The following GLIS1 variants were observed in gnomAD, a reference collection of about 807,000 sequenced individuals.
GLIS1 encodes the protein zinc finger protein GLIS1.
Under a neutral mutation model 63.8 loss-of-function variants are expected in GLIS1, and 24 were observed. The ratio of observed to expected loss-of-function variants is 0.38; its 90% CI spans 0.27 to 0.53. The LOEUF is 0.53. GLIS1 is among the 20% of genes least tolerant of loss of function. The pLI is 0.85. For synonymous variants in GLIS1, 450 were observed against 482.5 expected, an observed-to-expected ratio of 0.93 and a Z score of 0.88; for missense variants, 1,036 against 1,074.1, an observed-to-expected ratio of 0.96 and a Z score of 0.50.
chr1:53,510,964 C>T (rs974012679), intron 8 of GLIS1, among the ~76,000 whole-genome samples: 2 of 152,180 alleles, frequency 1.3e-5, no homozygotes, highest in African/African-American at 4.8e-5. Context: ...GAGAGCAGCA[C>T]AGGTGCCCTG....
intron 2 of GLIS1, among the ~76,000 whole-genome samples, chr1:53,626,779 C>T (rs755657595): frequency 2.0e-5 from 3 of 152,210 alleles, no homozygotes; most frequent in Non-Finnish European, 2.9e-5. Context: ...GAGGTGCAGA[C>T]CCCAGGGTCC....
rs77094226 is a variant in GLIS1 at position 53,693,581 on chromosome 1, G to T, written c.259+44225C>A. 2.4e-3 allele frequency among the ~76,000 whole-genome samples: 359 copies of T among 152,306 alleles called. 1 individual carries two copies. The highest frequency in any genetic ancestry group is 8.4e-3 in the African/African-American group (351 of 41,582). On this transcript the variant is annotated intron_variant, in intron 2 of 10. Coordinates refer to ENST00000628545, the MANE Select transcript of GLIS1 (RefSeq NM_001367484.1). ...GCCCAGCCTCTCACCCCCGCCCACA[G>T]ATCCAAATTTCCATTCCCTCAGCAG...
At position 53,699,317 on chromosome 1, in the gene GLIS1, G is replaced by A. The variant is rs916332226; in HGVS notation, c.259+38489C>T. 4.6e-5 allele frequency among the ~76,000 whole-genome samples: 7 copies of A among 152,076 alleles called. No individual in the cohort carries two copies. The East Asian group carries it at 1.3e-3, about 29-fold the overall frequency. On this transcript the variant is annotated intron_variant, in intron 2 of 10. Coordinates refer to ENST00000628545, the MANE Select transcript of GLIS1 (RefSeq NM_001367484.1). ...GAACTCAGATGATCCACCCACCTCG[G>A]CCTCCCAAAGTGCTGAGATTACAGG...
At chr1:53,572,327 T>A (rs574002852) in intron 4 of GLIS1, among the ~76,000 whole-genome samples, 5 of 152,220 alleles carry the variant, frequency 3.3e-5, no homozygotes, top group Non-Finnish European at 5.9e-5. Flanking sequence ...GCTCATCCTA[T>A]TGCAGCACAG....
chr1:53,628,245 T>C (rs1012043459), intron 2 of GLIS1, among the ~76,000 whole-genome samples: 1 of 152,218 alleles, frequency 6.6e-6, no homozygotes, highest in Non-Finnish European at 1.5e-5. Flanking sequence ...ATCTCAATAG[T>C]GTGCCCCAGA....
intron 2 of GLIS1, among the ~76,000 whole-genome samples, chr1:53,609,463 G>C (rs924567206): frequency 6.6e-6 from 1 of 151,636 alleles, no homozygotes; most frequent in African/African-American, 2.4e-5. Flanking sequence ...TAGAGATGGG[G>C]TTTTACCATA....
At position 53,544,288 on chromosome 1, in the gene GLIS1, T is replaced by A. The variant is rs914193794; in HGVS notation, c.1321-14336A>T. On this transcript the variant is annotated intron_variant, in intron 4 of 10. Coordinates refer to ENST00000628545, the MANE Select transcript of GLIS1 (RefSeq NM_001367484.1). The stretch of plus-strand genomic sequence containing the variant: ...AGGAGCCCGGGGTTGCCAATAGGGC[T>A]GAGGACTAAGAGAGGAGCCCGCAAC... Among the ~76,000 whole-genome samples, 3 of 152,134 alleles carry A rather than the reference T, an allele frequency of 2.0e-5. No individual in the cohort carries two copies. In the South Asian group the frequency reaches 6.2e-4, roughly 32 times the overall value.
chr1:53,693,524 C>G (rs965277221), intron 2 of GLIS1, among the ~76,000 whole-genome samples: 10 of 152,196 alleles, frequency 6.6e-5, no homozygotes, highest in Admixed American at 5.2e-4. Context: ...CCATCCTGGT[C>G]CCACAGCACC....
At chr1:53,728,508 G>T (rs1350804301) in intron 2 of GLIS1, among the ~76,000 whole-genome samples, 1 of 152,000 alleles carries the variant, frequency 6.6e-6, no homozygotes, top group Non-Finnish European at 1.5e-5. Context: ...ACTTGCCAAG[G>T]TCCCCAAGTT....
Position 53,514,702 on chromosome 1 carries a change from C to G in GLIS1, c.1806G>C (p.Arg602Ser). 6.2e-7 allele frequency: 1 copy of G among 1,613,676 alleles called. No individual in the cohort carries two copies. The highest frequency in any genetic ancestry group is 8.5e-7 in the Non-Finnish European group (1 of 1,179,876). The change falls in exon 8 of 11, where the codon AGG becomes AGC. Residue 602 changes from arginine (R) to serine (S), a missense_variant. By Grantham distance (110) the Arg-to-Ser change is moderately radical (BLOSUM62 -1). Around this residue, in one of 3 missense-constraint regions of GLIS1, gnomAD observed 400 missense variants for 400.9 expected, o/e 1.00. Transcript: ENST00000628545. ...LLPPAHDVPSRHHPLDATTSS... is the reference protein window; with the variant it reads ...LLPPAHDVPSSHHPLDATTSS... ...TGGTGGTGGCATCCAGCGGGTGGTG[C>G]CTGGAAGGTACGTCGTGCGCTGGGG...
intron 2 of GLIS1, among the ~76,000 whole-genome samples, chr1:53,689,101 C>T (rs1646373728): frequency 6.6e-6 from 1 of 152,258 alleles, no homozygotes; most frequent in Non-Finnish European, 1.5e-5. Context: ...CCTTACACTC[C>T]ACCCTCACAG....
chr1:53,603,346 T>TA (rs1261894150), intron 2 of GLIS1, among the ~76,000 whole-genome samples: 1 of 152,184 alleles, frequency 6.6e-6, no homozygotes, highest in Non-Finnish European at 1.5e-5. Context: ...CCCAAGGTCA[T>TA]ACAGTAATTG....
chr1:53,519,948 T>C (rs150658477), intron 7 of GLIS1, among the ~76,000 whole-genome samples: 112 of 152,354 alleles, frequency 7.4e-4, no homozygotes, highest in African/African-American at 2.5e-3. Context: ...AGAGCCTCTC[T>C]TGCTGATGCT....
intron 4 of GLIS1, among the ~76,000 whole-genome samples, chr1:53,585,625 C>T (rs191040394): frequency 2.6e-5 from 4 of 152,136 alleles, no homozygotes; most frequent in Admixed American, 2.6e-4. Context: ...TCCAGCAAAG[C>T]TGCAGGCTGA....
At chr1:53,509,472 C>G (rs1644275066) in intron 9 of GLIS1, among the ~76,000 whole-genome samples, 185 bp from the exon 10 acceptor site, 1 of 152,074 alleles carries the variant, frequency 6.6e-6, no homozygotes, top group African/African-American at 2.4e-5. Context: ...CAGCTCCGCC[C>G]TGCAGGGAGG....
chr1:53,593,032 C>T (rs1408355885), intron 4 of GLIS1, among the ~76,000 whole-genome samples: 3 of 152,262 alleles, frequency 2.0e-5, no homozygotes, highest in Admixed American at 1.3e-4. Context: ...ACACTATGCC[C>T]CTTCCCAGAC....
intron 2 of GLIS1, among the ~76,000 whole-genome samples, chr1:53,664,093 G>T (rs748127808): frequency 1.3e-5 from 2 of 152,224 alleles, no homozygotes; most frequent in Non-Finnish European, 2.9e-5. Flanking sequence ...TAGCCAGCTA[G>T]AATCGAAAAT....
chr1:53,533,577 C>T (rs1018585434), intron 4 of GLIS1, among the ~76,000 whole-genome samples: 45 of 152,152 alleles, frequency 3.0e-4, no homozygotes, highest in African/African-American at 8.9e-4. Context: ...GAGAGTGGCC[C>T]GTCCCTCCAG....
chr1:53,732,259 C>T (rs543658542), intron 2 of GLIS1, among the ~76,000 whole-genome samples: 4 of 152,228 alleles, frequency 2.6e-5, no homozygotes, highest in Non-Finnish European at 5.9e-5. Flanking sequence ...AGAAAACATG[C>T]TTTAAGTGAC....
Sources: allele counts gnomAD v4.1 joint callset (sites outside exome capture counted in the v4.1 genomes callset), GRCh38; gene constraint gnomAD v4.1.1; regional missense constraint gnomAD v4.1.1; transcripts MANE v1.5; gene names NCBI Gene and HGNC (gene_info 2026-07-23, HGNC 2026-07-21).